CPLANE1: variants seen among roughly 807,000 people sequenced by gnomAD.
CPLANE1 encodes the protein ciliogenesis and planar polarity effector 1.
CPLANE1 carries 263 observed loss-of-function variants against 362.5 expected under a neutral mutation model. The ratio of observed to expected loss-of-function variants is 0.73; its 90% confidence interval spans 0.66 to 0.80. CPLANE1 has a LOEUF of 0.80. CPLANE1 is among the 30% of genes least tolerant of loss of function. The probability of loss-of-function intolerance (pLI) is 0.00; values close to 1 mark genes in which losing one functional copy is unlikely to be tolerated. For missense variants in CPLANE1, 3,461 were observed against 3,793.4 expected, an observed-to-expected ratio of 0.91 and a Z score of 2.30; for synonymous variants, 1,212 against 1,302.6, an observed-to-expected ratio of 0.93 and a Z score of 1.50.
chr5:37,246,816 G>A (rs1739830220), intron 2 of CPLANE1, among the ~76,000 whole-genome samples: 1 of 152,166 alleles, frequency 6.6e-6, no homozygotes, highest in Non-Finnish European at 1.5e-5. Flanking sequence ...GCTGAGGCAA[G>A]ACAATCGCTT....
rs1783181207 is a variant in CPLANE1 at position 37,183,377 on chromosome 5, GT to G, written c.4803del (p.Lys1601AsnfsTer34). 6.2e-7 allele frequency: 1 copy of G among 1,612,502 alleles called. No homozygotes were observed. The highest frequency in any genetic ancestry group is 1.7e-5 in the Admixed American group (1 of 59,722). Reference sequence around the variant, plus strand: ...TGGCTTTTAGTTTTGCTCTGATGTCGTTTTAATGTTGTATGTACATCAAAAA... The same window carrying G: ...TGGCTTTTAGTTTTGCTCTGATGTCGTTTAATGTTGTATGTACATCAAAAA... ...SLLFDVHTTL[K>X]RHQSKTKSQN... On this transcript the variant is annotated frameshift_variant, in exon 26 of 53. Transcript: ENST00000651892. LOFTEE classifies it high-confidence loss of function.
At chr5:37,088,386 G>A in the CPLANE1 span, among the ~76,000 whole-genome samples, 1 of 152,136 alleles carries the variant, frequency 6.6e-6, no homozygotes, top group African/African-American at 2.4e-5. Flanking sequence ...ATTGGCTATG[G>A]CATTAAGGCC....
chr5:37,205,579 A>G (rs1226958674), intron 17 of CPLANE1, 125 bp from the exon 18 acceptor site: 2 of 645,352 alleles, frequency 3.1e-6, no homozygotes, highest in Admixed American at 3.2e-5. Flanking sequence ...TCTATCGTAC[A>G]TGTAAAAAAG....
rs70976277 is a variant in CPLANE1, at chr5:37,116,485, CAAAAAAAAAAAAAAAA to C, written c.9311-1452_9311-1437del. 2.3e-4 allele frequency among the ~76,000 whole-genome samples: 6 copies of C among 25,952 alleles called. No homozygotes were observed. In the South Asian group the frequency reaches 8.1e-3, roughly 35 times the overall value. 17.0% of individuals were successfully genotyped at this position (25,952 alleles called of 152,430 possible). A position where few individuals can be genotyped will look rare whatever the true frequency, so the allele number is the denominator to read the frequency against. On this transcript the variant is annotated intron_variant, in intron 50 of 52. Transcript: ENST00000651892. ...TGGGTGACAGAGCAAGACTCTGCCT[CAAAAAAAAAAAAAAAA>C]AAAAAAAAAAAAAAGGCTGAAGTGG...
At chr5:37,170,853 T>G (rs1353366307) in intron 32 of CPLANE1, among the ~76,000 whole-genome samples, 1 of 152,198 alleles carries the variant, frequency 6.6e-6, no homozygotes, top group African/African-American at 2.4e-5. Context: ...GGAGAATCGC[T>G]TGAACCAGGG....
At chr5:37,141,036 CT>C (rs760634391) in intron 44 of CPLANE1, 5 of 985,418 alleles carry the variant, frequency 5.1e-6, no homozygotes, top group Middle Eastern at 5.2e-4. Flanking sequence ...CACGTTCCCC[CT>C]CTCCTCCTCT....
rs376821475 is a variant in CPLANE1 at position 37,180,993 on chromosome 5, G to T, written c.5434C>A (p.Arg1812Ser). The change falls in exon 27 of 53, where the codon CGT becomes AGT. Residue 1812 changes from arginine (R) to serine (S), a missense_variant. By Grantham distance (110) the Arg-to-Ser change is moderately radical. Transcript: ENST00000651892. ...GGTCCAATCTGACACCCAGTGTCACGATTCTCTACCATCTAAAGCAAACCA... is the reference window on the plus strand; with the variant it reads ...GGTCCAATCTGACACCCAGTGTCACTATTCTCTACCATCTAAAGCAAACCA... ...KNAIIKMVENRDTGCQIGPNI... is the reference protein window; with the variant it reads ...KNAIIKMVENSDTGCQIGPNI... 1.6e-5 allele frequency: 26 copies of T among 1,613,268 alleles called. No homozygotes were observed. Among genetic ancestry groups the T allele is most frequent in the Non-Finnish European group, 2.0e-5 (24 of 1,179,666 alleles).
chr5:37,115,593 A>C (rs918910290), intron 50 of CPLANE1, among the ~76,000 whole-genome samples: 3 of 136,922 alleles, frequency 2.2e-5, no homozygotes, highest in Admixed American at 7.2e-5. Flanking sequence ...TTAGACTTTT[A>C]TTTCTTTTTT....
chr5:37,085,920 A>C, the CPLANE1 span: 2 of 289,284 alleles, frequency 6.9e-6, no homozygotes, highest in African/African-American at 4.6e-5. Context: ...AATTAATAGG[A>C]AAAAAAAAAA....
rs139272419 is a variant in CPLANE1 at position 37,172,858 on chromosome 5, T to C, written c.6171+897A>G. Among the ~76,000 whole-genome samples, 704 of 152,258 alleles carry C rather than the reference T, an allele frequency of 4.6e-3. 10 individuals carry two copies. The highest frequency in any genetic ancestry group is 0.016 in the African/African-American group (674 of 41,532). ...AAAATTAGCCAGGCAAGGTGGTACA[T>C]GCCTATAATCCCAGCTACTCAGGAG... On this transcript the variant is annotated intron_variant, in intron 32 of 52. Coordinates refer to ENST00000651892, the MANE Select transcript of CPLANE1 (RefSeq NM_001384732.1).
chr5:37,108,743 T>C (rs1218334964), intron 51 of CPLANE1, among the ~76,000 whole-genome samples: 2 of 152,128 alleles, frequency 1.3e-5, no homozygotes, highest in African/African-American at 2.4e-5. Context: ...GCCACAGATA[T>C]AACAGAACGG....
At position 37,167,139 on chromosome 5, in the gene CPLANE1, A is replaced by C; in HGVS notation, c.7308T>G (p.Asn2436Lys). ...FKQSQQKLTH[N>K]LFEQGDAGHL... is the part of the protein sequence containing the mutation. ...GTCCAGCATCACCTTGTTCAAATAA[A>C]TTATGTGTTAGTTTCTGTTGGCTTT... Residue 2436 changes from asparagine (N) to lysine (K), a missense_variant, in exon 35 of 53, where the codon AAT (asparagine) becomes AAG (lysine). Physicochemically the swap from Asn to Lys is moderately conservative, Grantham distance 94 (BLOSUM62 0). This residue lies in a region of CPLANE1 where 3,380 missense variants were observed against 3,666.1 expected (regional missense o/e 0.92). Coordinates refer to ENST00000651892, the MANE Select transcript of CPLANE1 (RefSeq NM_001384732.1). 9.3e-6 allele frequency: 15 copies of C among 1,613,520 alleles called. No individual in the cohort carries two copies. Among genetic ancestry groups the C allele is most frequent in the Non-Finnish European group, 1.3e-5 (15 of 1,179,734 alleles).
intron 46 of CPLANE1, among the ~76,000 whole-genome samples, chr5:37,128,357 A>C (rs1439155599): frequency 1.3e-5 from 2 of 152,188 alleles, no homozygotes; most frequent in Non-Finnish European, 2.9e-5. Flanking sequence ...CCTCATCTCT[A>C]AACTACTGAA....
chr5:37,096,886 TA>T, the CPLANE1 span, among the ~76,000 whole-genome samples: 1,214 of 150,794 alleles, frequency 8.1e-3, 11 homozygotes, highest in Non-Finnish European at 0.012. Flanking sequence ...ATGGCCATAG[TA>T]AAAAAAAAGT....
intron 32 of CPLANE1, 139 bp from the exon 33 acceptor site, chr5:37,170,470 G>C: frequency 1.1e-6 from 1 of 919,180 alleles, no homozygotes; most frequent in Non-Finnish European, 1.6e-6. Context: ...CTGAGCAGGA[G>C]GCAGTCAGGG....
chr5:37,217,165 T>C (rs12515518), intron 15 of CPLANE1, among the ~76,000 whole-genome samples: 17,721 of 152,176 alleles, frequency 0.12, 1,100 homozygotes, highest in Admixed American at 0.16. Flanking sequence ...GGAGGAATTA[T>C]ACAAAGGTAA....
At chr5:37,149,857 A>G (rs1363181377) in intron 42 of CPLANE1, among the ~76,000 whole-genome samples, 1 of 152,232 alleles carries the variant, frequency 6.6e-6, no homozygotes, top group Admixed American at 6.5e-5. Context: ...TTGTACCACA[A>G]TTATAAATAA....
chr5:37,160,671 C>CT (rs1328332570), intron 38 of CPLANE1, among the ~76,000 whole-genome samples: 2,232 of 138,546 alleles, frequency 0.016, 69 homozygotes, highest in African/African-American at 0.051. Context: ...AAAATAATGA[C>CT]TTTTTTTTTT....
chr5:37,232,382 G>C (rs1797903805), intron 8 of CPLANE1, among the ~76,000 whole-genome samples: 1 of 152,062 alleles, frequency 6.6e-6, no homozygotes, highest in Non-Finnish European at 1.5e-5. Flanking sequence ...GCCAGGCATG[G>C]TGGTGGGCAC....
Sources: gnomAD v4.1 joint callset for allele counts (sites outside exome capture counted in the v4.1 genomes callset) on GRCh38, gnomAD v4.1.1 for gene constraint, gnomAD v4.1.1 regional missense constraint, MANE v1.5 for transcripts, NCBI Gene and HGNC (gene_info 2026-07-23, HGNC 2026-07-21) for gene names.